FANCI: variants seen among roughly 807,000 people sequenced by gnomAD.
FANCI encodes the protein Fanconi anemia group I protein.
A neutral mutation model predicts 176.1 loss-of-function variants in FANCI; 156 were observed. The observed-to-expected ratio is 0.89, with a 90% CI of 0.78 to 1.01. FANCI has a LOEUF of 1.01. FANCI is among the 50% of genes least tolerant of loss of function. The pLI is 0.00. For missense variants in FANCI, 1,678 were observed against 1,534.1 expected, an observed-to-expected ratio of 1.09 and a Z score of -1.57; for synonymous variants, 613 against 541.7, an observed-to-expected ratio of 1.13 and a Z score of -1.83.
At chr15:89,306,273 C>G (rs1220601285) in intron 32 of FANCI, 79 bp downstream of exon 32, 3 of 1,411,348 alleles carry the variant, frequency 2.1e-6, no homozygotes, top group South Asian at 2.3e-5. Context: ...CAGCAGCCCA[C>G]TGCTGCAGAA....
Position 89,288,961 on chromosome 15 carries a change from C to G in FANCI, c.1822-1252C>G, listed in dbSNP as rs561818120. 8.6e-5 allele frequency among the ~76,000 whole-genome samples: 13 copies of G among 151,864 alleles called. No homozygotes were observed. In the East Asian group the frequency reaches 2.5e-3, roughly 29 times the overall value. On this transcript the variant is annotated intron_variant, in intron 18 of 37. Coordinates refer to ENST00000310775, the MANE Select transcript of FANCI (RefSeq NM_001113378.2). ...CGGCCCATCTTTATTATTATTTTATCTGTAGAAAGTCCAAATCCTTCCAAT... is the reference window on the plus strand; with the variant it reads ...CGGCCCATCTTTATTATTATTTTATGTGTAGAAAGTCCAAATCCTTCCAAT...
chr15:89,316,398 G>A lies in FANCI; in HGVS notation c.3926G>A (p.Gly1309Asp), dbSNP rs780643818. 1 of 1,611,550 alleles carries A rather than the reference G, an allele frequency of 6.2e-7. No homozygotes were observed. Among genetic ancestry groups the A allele is most frequent in the South Asian group, 1.1e-5 (1 of 90,616 alleles). The change falls in exon 38 of 38, where the codon GGC becomes GAC. Residue 1309 changes from glycine to aspartate, a missense_variant and splice_region_variant. Physicochemically the swap from Gly to Asp is moderately conservative, Grantham distance 94. Transcript: ENST00000310775. ...AGCATTAATTCTTTCCCCTTCTAGG[G>A]CACTGCATCAGAGCATGGGGGACAG... ...REDGEDENEEGTASEHGGQNK... is the reference protein window; with the variant it reads ...REDGEDENEEDTASEHGGQNK...
chr15:89,282,891 AG>A, intron 16 of FANCI: 1 of 492,668 alleles, frequency 2.0e-6, no homozygotes. Context: ...TAGACTTGAG[AG>A]CAGGATAGAA....
intron 34 of FANCI, chr15:89,308,253 G>T: frequency 1.2e-6 from 1 of 836,954 alleles, no homozygotes; most frequent in Non-Finnish European, 1.4e-6. Flanking sequence ...ATGTTGAGTA[G>T]CATCCCTGGC....
chr15:89,268,131 G>A lies in FANCI; in HGVS notation c.756-268G>A, dbSNP rs1400793508. 2.0e-5 allele frequency among the ~76,000 whole-genome samples: 3 copies of A among 152,076 alleles called. No homozygotes were observed. The South Asian group carries it at 6.2e-4, about 32-fold the overall frequency. On this transcript the variant is annotated intron_variant, in intron 9 of 37. Transcript: ENST00000310775. Reference sequence around the variant, plus strand: ...GTTGTTGTTGAGACAGGGTCTCTCTGTTGCCTAGGCTGAAGTGCAATGGCA... The same window carrying A: ...GTTGTTGTTGAGACAGGGTCTCTCTATTGCCTAGGCTGAAGTGCAATGGCA...
At chr15:89,294,469 C>T (rs757285178) in intron 23 of FANCI, among the ~76,000 whole-genome samples, 3 of 152,018 alleles carry the variant, frequency 2.0e-5, no homozygotes, top group African/African-American at 4.8e-5. Context: ...CCTGTAGTCC[C>T]GGCTACTTGG....
chr15:89,281,640 A>G (rs938322105), intron 15 of FANCI, 125 bp from the exon 16 acceptor site: 25 of 929,224 alleles, frequency 2.7e-5, no homozygotes, highest in Non-Finnish European at 4.2e-5. Flanking sequence ...TGTAATAAAC[A>G]TTAAAACGTA....
At position 89,301,370 on chromosome 15, in the gene FANCI, T is replaced by G; in HGVS notation, c.2934T>G (p.Asn978Lys). The G allele has an allele frequency of 1.9e-6, 3 of 1,614,136 alleles. No individual in the cohort carries two copies. The highest frequency in any genetic ancestry group is 2.5e-6 in the Non-Finnish European group (3 of 1,179,994). ...TTAGCAGTCAAGAGGAAGATTTTAA[T>G]AGCAAAGAAGCCCTCCTGCTAGTCA... Reference protein sequence around the residue: ...NLLSSQEEDFNSKEALLLVTV... With the variant: ...NLLSSQEEDFKSKEALLLVTV... The change falls in exon 27 of 38, where the codon AAT (asparagine) becomes AAG (lysine). Residue 978 changes from asparagine to lysine, a missense_variant. Transcript: ENST00000310775.
At position 89,291,526 on chromosome 15, in the gene FANCI, G is replaced by T. The variant is rs528191350; in HGVS notation, c.1891-87G>T. On this transcript the variant is annotated intron_variant, in intron 19 of 37. Coordinates refer to ENST00000310775, the MANE Select transcript of FANCI (RefSeq NM_001113378.2). ...GGGAAATGTGTGTTAGAAGGCATTA[G>T]ACATTAAAGATACCTTTCACCTGAG... 6.0e-6 allele frequency: 6 copies of T among 1,006,542 alleles called. No homozygotes were observed. In the East Asian group the frequency reaches 1.4e-4, roughly 24 times the overall value. The allele number at this position is 1,006,542 out of a possible 1,614,324, so 62.4% of individuals were successfully genotyped here.
At chr15:89,300,027 A>C in intron 25 of FANCI, 61 bp downstream of exon 25, 2 of 1,575,966 alleles carry the variant, frequency 1.3e-6, no homozygotes, top group Non-Finnish European at 1.7e-6. Context: ...TCAACCCCTT[A>C]ATTCCATTTG....
At chr15:89,315,977 G>A (rs142694381) in intron 37 of FANCI, among the ~76,000 whole-genome samples, 3 of 152,142 alleles carry the variant, frequency 2.0e-5, no homozygotes, top group Non-Finnish European at 4.4e-5. Flanking sequence ...TTCAAAACTG[G>A]AAGTTTACAT....
At chr15:89,289,584 G>A (rs1053578124) in intron 18 of FANCI, among the ~76,000 whole-genome samples, 1 of 152,092 alleles carries the variant, frequency 6.6e-6, no homozygotes, top group Non-Finnish European at 1.5e-5. Flanking sequence ...GGGATTACAG[G>A]CATGAGCCAC....
chr15:89,302,809 G>C (rs961949419), intron 27 of FANCI, among the ~76,000 whole-genome samples: 1 of 152,084 alleles, frequency 6.6e-6, no homozygotes, highest in African/African-American at 2.4e-5. Context: ...TCCTGACCTC[G>C]TGATTCACCC....
At chr15:89,274,422 C>T in intron 12 of FANCI, 118 bp downstream of exon 12, 1 of 1,126,094 alleles carries the variant, frequency 8.9e-7, no homozygotes, top group Non-Finnish European at 1.3e-6. Flanking sequence ...CTGTTGACGT[C>T]ACACATCGAG....
intron 14 of FANCI, among the ~76,000 whole-genome samples, chr15:89,279,160 T>C (rs943554492): frequency 1.3e-5 from 2 of 152,026 alleles, no homozygotes; most frequent in Non-Finnish European, 2.9e-5. Flanking sequence ...GTTGTTGTTG[T>C]TGTTGTTGTT....
At chr15:89,248,414 G>A (rs1447482079) in intron 2 of FANCI, among the ~76,000 whole-genome samples, 5 of 152,112 alleles carry the variant, frequency 3.3e-5, no homozygotes, top group Non-Finnish European at 7.4e-5. Flanking sequence ...TGAGTATTAT[G>A]TTTTTAAGGG....
At chr15:89,266,672 CTG>C (rs977854896) in intron 9 of FANCI, among the ~76,000 whole-genome samples, 17 of 151,424 alleles carry the variant, frequency 1.1e-4, no homozygotes, top group African/African-American at 4.1e-4. Flanking sequence ...GATGGTCTCA[CTG>C]TGTTGCCCAG....
intron 13 of FANCI, among the ~76,000 whole-genome samples, chr15:89,278,153 T>A (rs2053477120): frequency 6.6e-6 from 1 of 152,240 alleles, no homozygotes; most frequent in Non-Finnish European, 1.5e-5. Flanking sequence ...ACTAACAGTC[T>A]GAGGTCTGAA....
At chr15:89,283,744 A>G (rs28687599) in intron 17 of FANCI, among the ~76,000 whole-genome samples, 50,050 of 151,280 alleles carry the variant, frequency 0.33, 8,997 homozygotes, top group South Asian at 0.4. Flanking sequence ...TTTGTGGTTC[A>G]TATTATATTT....
Sources: gnomAD v4.1 joint callset for allele counts (sites outside exome capture counted in the v4.1 genomes callset) on GRCh38, gnomAD v4.1.1 for gene constraint, MANE v1.5 for transcripts, NCBI Gene and HGNC (gene_info 2026-07-23, HGNC 2026-07-21) for gene names.